CCDC190: variants seen among roughly 807,000 people sequenced by gnomAD.
CCDC190 encodes the protein coiled-coil domain-containing protein 190.
In CCDC190, 10 loss-of-function variants were observed where a neutral mutation model predicts 13.1. The ratio of observed to expected loss-of-function variants is 0.77; its 90% CI spans 0.47 to 1.30. The LOEUF is 1.30. Ranked by LOEUF, CCDC190 falls within the 50% of genes most tolerant of loss-of-function variation. CCDC190 has a pLI of 0.00. For synonymous variants in CCDC190, 136 were observed against 127.2 expected (o/e 1.07, Z -0.47); for missense variants, 375 against 354.3 (o/e 1.06, Z -0.47).
At chr1:162,864,409 A>G (rs554167008), upstream of CCDC190, among the ~76,000 whole-genome samples, 1 of 152,194 alleles carries the variant, frequency 6.6e-6, no homozygotes, top group African/African-American at 2.4e-5. Flanking sequence ...ATTATACCAG[A>G]TGGAAATCCA....
upstream of CCDC190, among the ~76,000 whole-genome samples, chr1:162,865,605 C>T (rs1259020998): frequency 1.3e-5 from 2 of 152,058 alleles, no homozygotes; most frequent in African/African-American, 2.4e-5. Context: ...TGTATTTTCT[C>T]GTAACACAGG....
Position 162,853,316 on chromosome 1 carries a change from C to T in CCDC190, c.*1449G>A. On this transcript the variant is annotated 3_prime_UTR_variant, in exon 4 of 4. Coordinates refer to ENST00000367912, the MANE Select transcript of CCDC190 (RefSeq NM_001394065.1). ...TAGCAAGTTACCACCACTCTTCCCT[C>T]TATTTCCTTATCTGTAAAATGGGGA... The T allele has an allele frequency of 7.2e-6, 4 of 552,598 alleles. No individual in the cohort carries two copies. Among genetic ancestry groups the T allele is most frequent in the Non-Finnish European group, 1.3e-5 (4 of 319,810 alleles). The allele number at this position is 552,598 out of a possible 1,614,324, so 34.2% of individuals were successfully genotyped here.
intron 2 of CCDC190, among the ~76,000 whole-genome samples, chr1:162,857,639 T>A (rs1157952920): frequency 6.6e-6 from 1 of 152,128 alleles, no homozygotes; most frequent in Non-Finnish European, 1.5e-5. Context: ...CCCATTTTCC[T>A]CCTCCTCTAA....
rs551472262 is a variant in CCDC190, at chr1:162,861,020, A to T, written c.-25T>A. Reference sequence around the variant, plus strand: ...CAGTAGAACTTACCTCCAAATCCAGAGTTTTCACCATGAGACTATGTCTTG... The same window carrying T: ...CAGTAGAACTTACCTCCAAATCCAGTGTTTTCACCATGAGACTATGTCTTG... On this transcript the variant is annotated 5_prime_UTR_variant, in exon 1 of 4. Coordinates refer to ENST00000367912, the MANE Select transcript of CCDC190 (RefSeq NM_001394065.1). 97 of 985,012 alleles carry T rather than the reference A, an allele frequency of 9.8e-5. 2 individuals are homozygous for T. In the South Asian group the frequency reaches 4.2e-3, roughly 43 times the overall value. The allele number at this position is 985,012 out of a possible 1,614,324, so 61.0% of individuals were successfully genotyped here. A position where few individuals can be genotyped will look rare whatever the true frequency, so the allele number is the denominator to read the frequency against.
Position 162,852,195 on chromosome 1 carries a change from A to G in CCDC190, c.*2570T>C, listed in dbSNP as rs1451693832. On this transcript the variant is annotated 3_prime_UTR_variant, in exon 4 of 4. Transcript: ENST00000367912. ...ATGTATTATAGAATTTATGGTCCCT[A>G]CCTACTAGACTCCAGTGGCAGCCCC... The G allele has an allele frequency of 3.9e-5, 6 of 152,202 alleles. No homozygotes were observed. The highest frequency in any genetic ancestry group is 9.7e-5 in the African/African-American group (4 of 41,440). The allele number at this position is 152,202 out of a possible 1,614,324, so 9.4% of individuals were successfully genotyped here.
rs1650106218 is a variant in CCDC190, at chr1:162,851,425, T to G, written c.*3340A>C. The G allele has an allele frequency of 6.6e-6, 1 of 151,270 alleles. No homozygotes were observed. Among genetic ancestry groups the G allele is most frequent in the Admixed American group, 6.6e-5 (1 of 15,130 alleles). 9.4% of individuals were successfully genotyped at this position (151,270 alleles called of 1,614,324 possible). A position where few individuals can be genotyped will look rare whatever the true frequency, so the allele number is the denominator to read the frequency against. ...TACTCTTGGTGTGAGGGCAAAACACTTGCCCAAGCGTGATTCCCTCTGTCC... is the reference window on the plus strand; with the variant it reads ...TACTCTTGGTGTGAGGGCAAAACACGTGCCCAAGCGTGATTCCCTCTGTCC... On this transcript the variant is annotated 3_prime_UTR_variant, in exon 4 of 4. Transcript: ENST00000367912.
Position 162,853,540 on chromosome 1 carries a change from AATGAAC to A in CCDC190, c.*1219_*1224del, listed in dbSNP as rs1461577728. Among the ~76,000 whole-genome samples, 1 of 152,236 alleles carries A rather than the reference AATGAAC, an allele frequency of 6.6e-6. No homozygotes were observed. The highest frequency in any genetic ancestry group is 1.5e-5 in the Non-Finnish European group (1 of 68,046). On this transcript the variant is annotated 3_prime_UTR_variant, in exon 4 of 4. Transcript: ENST00000367912. ...TTAAATATACTTCAAATTTATATTTAATGAACTATAAATTAAATATGAATTAATCTT... is the reference window on the plus strand; with the variant it reads ...TTAAATATACTTCAAATTTATATTTATATAAATTAAATATGAATTAATCTT...
intron 2 of CCDC190, among the ~76,000 whole-genome samples, chr1:162,858,317 G>A (rs1650381157): frequency 2.0e-5 from 3 of 152,164 alleles, no homozygotes; most frequent in Admixed American, 2.0e-4. Flanking sequence ...CTAAAAGTAG[G>A]CATCTGATCT....
chr1:162,853,026 A>T lies in CCDC190; in HGVS notation c.*1739T>A. ...GGTGCAAATAAATTAAGTTTTTGTG[A>T]ATCAATCAGTTCTGTCACTTATGGC... is the stretch of plus-strand genomic sequence containing the variant. On this transcript the variant is annotated 3_prime_UTR_variant, in exon 4 of 4. Coordinates refer to ENST00000367912, the MANE Select transcript of CCDC190 (RefSeq NM_001394065.1). The T allele has an allele frequency of 8.3e-7, 1 of 1,205,838 alleles. No individual in the cohort carries two copies. Among genetic ancestry groups the T allele is most frequent in the Non-Finnish European group, 1.2e-6 (1 of 836,066 alleles). 74.7% of individuals were successfully genotyped at this position (1,205,838 alleles called of 1,614,324 possible). A position where few individuals can be genotyped will look rare whatever the true frequency, so the allele number is the denominator to read the frequency against.
upstream of CCDC190, among the ~76,000 whole-genome samples, chr1:162,864,819 T>C (rs1016372409): frequency 1.3e-5 from 2 of 151,386 alleles, no homozygotes; most frequent in African/African-American, 4.9e-5. Flanking sequence ...AGCAGAAAAA[T>C]AGGAAAGAGG....
Position 162,854,313 on chromosome 1 carries a change from T to C in CCDC190, c.*452A>G. On this transcript the variant is annotated 3_prime_UTR_variant, in exon 4 of 4. Transcript: ENST00000367912. ...CACGTGGGTGTGGTTAAAGAGCAGA[T>C]TTTCTTTATAGACCATGTTACAGTA... The C allele has an allele frequency of 1.0e-6, 1 of 986,952 alleles. No individual in the cohort carries two copies. Among genetic ancestry groups the C allele is most frequent in the Non-Finnish European group, 1.2e-6 (1 of 830,966 alleles). The allele number at this position is 986,952 out of a possible 1,614,324, so 61.1% of individuals were successfully genotyped here. A position where few individuals can be genotyped will look rare whatever the true frequency, so the allele number is the denominator to read the frequency against.
chr1:162,867,704 C>T (rs553128044), intron 1 of CCDC190, among the ~76,000 whole-genome samples: 3 of 152,232 alleles, frequency 2.0e-5, no homozygotes, highest in African/African-American at 4.8e-5. Context: ...AACAAGTGAA[C>T]TGATAAACAA....
At chr1:162,861,207 C>G (rs886431392), upstream of CCDC190, among the ~76,000 whole-genome samples, 2 of 152,154 alleles carry the variant, frequency 1.3e-5, no homozygotes, top group African/African-American at 4.8e-5. Context: ...CTCCCTACCT[C>G]CCCTGGTCAG....
Position 162,854,816 on chromosome 1 carries a change from C to T in CCDC190, c.855G>A (p.Arg285=), listed in dbSNP as rs752704285. Residue 285 remains arginine (R), a synonymous_variant, in exon 4 of 4, where the codon AGG becomes AGA. Transcript: ENST00000367912. ...IFGHGESSSS[R]AGKECENRVP... ...CCCTGTTTTCACACTCCTTTCCTGC[C>T]CTGGATGATGAGGATTCCCCATGCC... is the stretch of plus-strand genomic sequence containing the variant. 41 of 1,613,786 alleles carry T rather than the reference C, an allele frequency of 2.5e-5. No homozygotes were observed. Among genetic ancestry groups the T allele is most frequent in the South Asian group, 2.5e-4 (23 of 91,062 alleles).
Position 162,854,885 on chromosome 1 carries a change from G to A in CCDC190, c.786C>T (p.Val262=), listed in dbSNP as rs370149150. The A allele has an allele frequency of 2.5e-6, 4 of 1,613,904 alleles. No individual in the cohort carries two copies. Among genetic ancestry groups the A allele is most frequent in the Non-Finnish European group, 3.4e-6 (4 of 1,179,894 alleles). The change falls in exon 4 of 4, where the codon GTC becomes GTT. Residue 262 remains valine (V), a synonymous_variant. Transcript: ENST00000367912. ...ARNAHYLRHR[V]PPESERLLSI... ...TAAGCAACCTCTCAGACTCAGGGGG[G>A]ACCCTGTGCCGGAGATAATGGGCAT...
In CCDC190 at chr1:162,855,092, A is replaced by G; in HGVS notation, c.579T>C (p.Ser193=). The G allele has an allele frequency of 8.1e-6, 13 of 1,614,012 alleles. No individual in the cohort carries two copies. The highest frequency in any genetic ancestry group is 1.1e-5 in the Non-Finnish European group (13 of 1,179,888). ...VSTNTIEQGP[S]SSPASDSGMA... is the part of the protein sequence containing the mutation. ...TTCCACTATCACTAGCTGGGCTGGA[A>G]CTAGGACCTTGTTCTATGGTGTTGG... Residue 193 remains serine, a synonymous_variant, in exon 4 of 4, where the codon AGT becomes AGC. Transcript: ENST00000367912.
intron 1 of CCDC190, among the ~76,000 whole-genome samples, chr1:162,866,801 A>G (rs7523253): frequency 0.79 from 119,833 of 151,938 alleles, 50,135 homozygotes; most frequent in Non-Finnish European, 0.94. Flanking sequence ...ACATTTAGTC[A>G]GTTTATTTTA....
intron 1 of CCDC190, among the ~76,000 whole-genome samples, chr1:162,860,460 A>G (rs193077501): frequency 7.2e-5 from 11 of 152,262 alleles, no homozygotes; most frequent in Non-Finnish European, 1.5e-4. Flanking sequence ...AAGTAGGGAC[A>G]CATTTTTCTC....
chr1:162,866,610 A>G (rs1265217254), intron 1 of CCDC190, among the ~76,000 whole-genome samples: 2 of 152,148 alleles, frequency 1.3e-5, no homozygotes, highest in Non-Finnish European at 2.9e-5. Context: ...TTCAAGTGGT[A>G]ATACAAATGA....
Sources: gnomAD v4.1 joint callset for allele counts (sites outside exome capture counted in the v4.1 genomes callset) on GRCh38, gnomAD v4.1.1 for gene constraint, MANE v1.5 for transcripts, NCBI Gene and HGNC (gene_info 2026-07-23, HGNC 2026-07-21) for gene names.